The following NRG3 variants were observed in gnomAD, a reference collection of about 807,000 sequenced individuals.
NRG3 encodes the protein neuregulin 3.
A neutral mutation model predicts 66.9 loss-of-function variants in NRG3; 31 were observed. The ratio of observed to expected loss-of-function variants is 0.46; its 90% confidence interval spans 0.35 to 0.63. NRG3 has a LOEUF of 0.63. Among genes scored for constraint, NRG3 ranks in the 20% least tolerant of loss-of-function variants. The probability of loss-of-function intolerance (pLI) is 0.00; values close to 1 mark genes in which losing one functional copy is unlikely to be tolerated. For missense variants in NRG3, 910 were observed against 878.9 expected, an observed-to-expected ratio of 1.04 and a Z score of -0.45; for synonymous variants, 393 against 359.4, an observed-to-expected ratio of 1.09 and a Z score of -1.06.
chr10:81,985,096 G>T (rs1170326756), intron 1 of NRG3, among the ~76,000 whole-genome samples: 1 of 152,146 alleles, frequency 6.6e-6, no homozygotes, highest in East Asian at 1.9e-4. Context: ...AACATCCATT[G>T]TGTGCTTTCC....
At chr10:82,731,375 A>AT (rs2057895008) in intron 2 of NRG3, among the ~76,000 whole-genome samples, 2 of 133,280 alleles carry the variant, frequency 1.5e-5, no homozygotes, top group Non-Finnish European at 3.3e-5. Flanking sequence ...TCAAAAAAAA[A>AT]AAAAAAAAAA....
chr10:82,561,048 G>C (rs1288059515), intron 2 of NRG3, among the ~76,000 whole-genome samples: 6 of 151,924 alleles, frequency 3.9e-5, no homozygotes, highest in African/African-American at 1.2e-4. Context: ...TCTCTTTACT[G>C]GGATTGATTT....
chr10:82,275,250 G>A (rs937790850), intron 1 of NRG3, among the ~76,000 whole-genome samples: 2 of 151,864 alleles, frequency 1.3e-5, no homozygotes, highest in Non-Finnish European at 2.9e-5. Flanking sequence ...TGAATTAGAA[G>A]CAACTTATTT....
intron 1 of NRG3, among the ~76,000 whole-genome samples, chr10:81,956,857 T>C (rs781681375): frequency 2.0e-5 from 3 of 152,164 alleles, no homozygotes; most frequent in Non-Finnish European, 4.4e-5. Flanking sequence ...CTGGTGTCTT[T>C]TTCTCTGAAC....
chr10:82,911,934 T>G (rs1845362149), intron 4 of NRG3, among the ~76,000 whole-genome samples: 1 of 152,072 alleles, frequency 6.6e-6, no homozygotes, highest in Admixed American at 6.5e-5. Flanking sequence ...ATGAGTTGTA[T>G]TTTCATTTTT....
In NRG3 at chr10:82,380,182, C is replaced by T. The variant is rs7897002; in HGVS notation, c.953+21314C>T. Among the ~76,000 whole-genome samples the T allele has an allele frequency of 4.7e-3, 715 of 152,126 alleles. 6 individuals are homozygous for T. The highest frequency in any genetic ancestry group is 0.017 in the African/African-American group (687 of 41,526). ...TTTACTTATGGCTTCAGGGATCTAA[C>T]TCATTTCTTAAAATGACTATGTTGC... On this transcript the variant is annotated intron_variant, in intron 2 of 8. Transcript: ENST00000372141.
intron 6 of NRG3, among the ~76,000 whole-genome samples, chr10:82,963,159 C>A (rs1400723554): frequency 6.6e-6 from 1 of 152,046 alleles, no homozygotes; most frequent in Non-Finnish European, 1.5e-5. Flanking sequence ...TCAAGCCTAC[C>A]TAAAGGAGGT....
At chr10:82,509,180 T>C (rs1844945693) in intron 2 of NRG3, among the ~76,000 whole-genome samples, 2 of 152,134 alleles carry the variant, frequency 1.3e-5, no homozygotes, top group Non-Finnish European at 1.5e-5. Context: ...CTAGTTTTCT[T>C]CTCCTTGCCA....
chr10:82,361,963 A>T (rs1253454160), intron 2 of NRG3, among the ~76,000 whole-genome samples: 2 of 151,638 alleles, frequency 1.3e-5, no homozygotes, highest in Non-Finnish European at 2.9e-5. Flanking sequence ...ACTGCATCAA[A>T]TATTTTTCTG....
chr10:82,822,046 A>G (rs2061975247), intron 3 of NRG3, among the ~76,000 whole-genome samples: 1 of 152,130 alleles, frequency 6.6e-6, no homozygotes, highest in Non-Finnish European at 1.5e-5. Context: ...CTGCAGACAC[A>G]TGAGTCAATG....
At chr10:81,987,906 A>G (rs1487321862) in intron 1 of NRG3, among the ~76,000 whole-genome samples, 2 of 152,204 alleles carry the variant, frequency 1.3e-5, no homozygotes, top group African/African-American at 2.4e-5. Flanking sequence ...ATGCATATCC[A>G]TATTTTCTAC....
At chr10:82,773,764 G>A (rs1394574576) in intron 3 of NRG3, among the ~76,000 whole-genome samples, 1 of 152,100 alleles carries the variant, frequency 6.6e-6, no homozygotes, top group African/African-American at 2.4e-5. Flanking sequence ...GCAAGAGTGG[G>A]CATCTCTGCC....
intron 1 of NRG3, among the ~76,000 whole-genome samples, chr10:82,093,583 C>T (rs957687940): frequency 7.2e-5 from 11 of 152,188 alleles, no homozygotes; most frequent in African/African-American, 2.2e-4. Context: ...TTGAATTACA[C>T]TCATTGCTCA....
At chr10:82,111,335 T>A (rs2132244113) in intron 1 of NRG3, among the ~76,000 whole-genome samples, 1 of 152,332 alleles carries the variant, frequency 6.6e-6, no homozygotes, top group Non-Finnish European at 1.5e-5. Context: ...CCTCATTGTA[T>A]CTTTCAAAAA....
intron 1 of NRG3, among the ~76,000 whole-genome samples, chr10:82,266,194 A>G (rs2134255769): frequency 6.6e-6 from 1 of 152,264 alleles, no homozygotes; most frequent in Non-Finnish European, 1.5e-5. Context: ...GCCGGGATTG[A>G]TAAAATACAG....
chr10:82,398,459 A>G (rs2086856572), intron 2 of NRG3, among the ~76,000 whole-genome samples: 1 of 150,688 alleles, frequency 6.6e-6, no homozygotes, highest in South Asian at 2.1e-4. Flanking sequence ...TTTGGTTCCA[A>G]CTGGGATCTT....
At chr10:82,050,168 T>C (rs201603823) in intron 1 of NRG3, among the ~76,000 whole-genome samples, 1 of 151,846 alleles carries the variant, frequency 6.6e-6, no homozygotes, top group Non-Finnish European at 1.5e-5. Context: ...TCAGACATGT[T>C]AGACTGAGTA....
intron 1 of NRG3, among the ~76,000 whole-genome samples, chr10:82,325,534 C>T (rs1195185049): frequency 1.3e-5 from 2 of 151,864 alleles, no homozygotes; most frequent in African/African-American, 2.4e-5. Context: ...ATGCTTTTAG[C>T]CTGTTTATAT....
intron 1 of NRG3, among the ~76,000 whole-genome samples, chr10:82,254,208 C>T (rs187637092): frequency 7.2e-5 from 11 of 152,244 alleles, no homozygotes; most frequent in Admixed American, 7.2e-4. Flanking sequence ...TGGAAGGTTC[C>T]AGATATGCTC....
Sources: allele counts gnomAD v4.1 joint callset (sites outside exome capture counted in the v4.1 genomes callset), GRCh38; gene constraint gnomAD v4.1.1; transcripts MANE v1.5; gene names NCBI Gene and HGNC (gene_info 2026-07-23, HGNC 2026-07-21).